Variants in TAFA2 observed in about 807,000 individuals in gnomAD.
The protein encoded by TAFA2 is chemokine-like protein TAFA-2.
Under a neutral mutation model 18.8 loss-of-function variants are expected in TAFA2, and 7 were observed. The observed-to-expected ratio is 0.37, with a 90% CI of 0.21 to 0.70. The LOEUF (loss-of-function observed/expected upper bound fraction) is 0.70, where lower values mean the gene tolerates loss of function less well. TAFA2 is among the 30% of genes least tolerant of loss of function. The probability of loss-of-function intolerance (pLI) is 0.53; values close to 1 mark genes in which losing one functional copy is unlikely to be tolerated. For missense variants in TAFA2, 122 were observed against 158.1 expected (o/e 0.77, Z 1.23); for synonymous variants, 60 against 54.2 (o/e 1.11, Z -0.47).
At chr12:62,144,090 G>T (rs1273584036) in intron 1 of TAFA2, among the ~76,000 whole-genome samples, 1 of 142,810 alleles carries the variant, frequency 7.0e-6, no homozygotes, top group Non-Finnish European at 1.5e-5. Flanking sequence ...ACTCTCATAC[G>T]ATGACCATAG....
At chr12:62,251,551 ACT>A (rs1285078561) in intron 1 of TAFA2, among the ~76,000 whole-genome samples, 1 of 152,200 alleles carries the variant, frequency 6.6e-6, no homozygotes, top group Non-Finnish European at 1.5e-5. Context: ...CTGAAAGCAG[ACT>A]CTGAGATGGA....
intron 1 of TAFA2, among the ~76,000 whole-genome samples, chr12:62,181,990 T>TCAC (rs745865760): frequency 7.2e-6 from 1 of 138,490 alleles, no homozygotes; most frequent in Non-Finnish European, 1.6e-5. Flanking sequence ...CTCAAGTCCA[T>TCAC]CCCCCCCCCG....
chr12:62,236,851 T>G (rs933563035), intron 1 of TAFA2, among the ~76,000 whole-genome samples: 6 of 152,226 alleles, frequency 3.9e-5, no homozygotes. Flanking sequence ...TGTTATTTGC[T>G]TCTTTTTTCT....
At chr12:61,713,668 T>C (rs570551686) in intron 4 of TAFA2, among the ~76,000 whole-genome samples, 276 of 152,250 alleles carry the variant, frequency 1.8e-3, no homozygotes, top group Non-Finnish European at 3.2e-3. Flanking sequence ...TTGAAAAAGT[T>C]TACTATGCAA....
intron 1 of TAFA2, among the ~76,000 whole-genome samples, chr12:61,933,742 G>A (rs1877657085): frequency 6.6e-6 from 1 of 152,114 alleles, no homozygotes; most frequent in Non-Finnish European, 1.5e-5. Context: ...CTAAGGAGCA[G>A]CTGTTGTAAT....
chr12:61,784,913 G>GT (rs1227624125), intron 2 of TAFA2, among the ~76,000 whole-genome samples: 2 of 151,496 alleles, frequency 1.3e-5, no homozygotes, highest in Non-Finnish European at 3.0e-5. Context: ...TCAGATCAGA[G>GT]TTATTAGTGT....
At chr12:61,986,409 C>T (rs1194437046) in intron 1 of TAFA2, among the ~76,000 whole-genome samples, 2 of 151,768 alleles carry the variant, frequency 1.3e-5, no homozygotes, top group African/African-American at 4.8e-5. Context: ...AGTGATCTGC[C>T]TGCCTCAGCC....
chr12:61,848,764 T>TA (rs1873513484), intron 2 of TAFA2, among the ~76,000 whole-genome samples: 1 of 150,638 alleles, frequency 6.6e-6, no homozygotes, highest in Non-Finnish European at 1.5e-5. Flanking sequence ...GTATTATCAG[T>TA]AAAATTAAAA....
At chr12:61,917,043 T>G (rs888701111) in intron 1 of TAFA2, among the ~76,000 whole-genome samples, 1 of 152,096 alleles carries the variant, frequency 6.6e-6, no homozygotes, top group Non-Finnish European at 1.5e-5. Context: ...GAGTGAGTCA[T>G]GTGAGATCTC....
intron 1 of TAFA2, among the ~76,000 whole-genome samples, chr12:61,975,065 T>A (rs1198079046): frequency 6.6e-6 from 1 of 151,726 alleles, no homozygotes; most frequent in African/African-American, 2.4e-5. Flanking sequence ...CACAAAGTGA[T>A]GTTTTCATAC....
chr12:61,762,843 T>TA (rs921528566), intron 2 of TAFA2, among the ~76,000 whole-genome samples: 63 of 152,032 alleles, frequency 4.1e-4, no homozygotes, highest in African/African-American at 1.5e-3. Context: ...TTTGTCTCTA[T>TA]ATACTCCTAT....
intron 1 of TAFA2, among the ~76,000 whole-genome samples, chr12:62,053,756 T>C (rs969292659): frequency 1.2e-4 from 18 of 152,316 alleles, no homozygotes; most frequent in African/African-American, 3.8e-4. Flanking sequence ...TTCTACTGCT[T>C]AGCAGCTGAA....
chr12:62,107,506 G>C (rs976607178), intron 1 of TAFA2, among the ~76,000 whole-genome samples: 2 of 152,008 alleles, frequency 1.3e-5, no homozygotes, highest in African/African-American at 2.4e-5. Context: ...TTTAGCCTAG[G>C]GACCTCAAAA....
chr12:61,865,454 A>G (rs1874314116), intron 2 of TAFA2, among the ~76,000 whole-genome samples: 1 of 152,204 alleles, frequency 6.6e-6, no homozygotes. Flanking sequence ...GGAGGGGAGA[A>G]AACTTTCATA....
rs763358789 is a variant in TAFA2 at position 62,135,165 on chromosome 12, CACAT to C, written c.-2+56090_-2+56093del. On this transcript the variant is annotated intron_variant, in intron 1 of 4. Coordinates refer to ENST00000416284, the MANE Select transcript of TAFA2 (RefSeq NM_178539.5). ...GACTGTGTCTTAGTCACAGCTGAAA[CACAT>C]AGTAGGTGCTCAATAAAACCTATTC... is the stretch of plus-strand genomic sequence containing the variant. Among the ~76,000 whole-genome samples the C allele has an allele frequency of 2.4e-4, 36 of 152,006 alleles. 1 individual carries two copies. Among genetic ancestry groups the C allele is most frequent in the Non-Finnish European group, 5.9e-5 (4 of 67,976 alleles).
intron 1 of TAFA2, among the ~76,000 whole-genome samples, chr12:62,237,590 T>C (rs1289189718): frequency 6.6e-6 from 1 of 152,206 alleles, no homozygotes; most frequent in African/African-American, 2.4e-5. Context: ...TTTGTTGTTG[T>C]TTCTTATAAA....
chr12:61,876,942 T>C (rs561786316), intron 1 of TAFA2, among the ~76,000 whole-genome samples: 57 of 152,294 alleles, frequency 3.7e-4, no homozygotes, highest in African/African-American at 1.3e-3. Context: ...CCCACACACT[T>C]TTATAACTAC....
At chr12:62,057,763 A>G (rs898294609) in intron 1 of TAFA2, among the ~76,000 whole-genome samples, 5 of 152,130 alleles carry the variant, frequency 3.3e-5, no homozygotes, top group African/African-American at 1.2e-4. Context: ...TTCACACTCA[A>G]TTATTTGCAA....
chr12:61,782,823 A>G (rs1160810456), intron 2 of TAFA2, among the ~76,000 whole-genome samples: 1 of 151,778 alleles, frequency 6.6e-6, no homozygotes, highest in Non-Finnish European at 1.5e-5. Flanking sequence ...CATTATAGGT[A>G]ATGCAGTATT....
Sources: gnomAD v4.1 joint callset for allele counts (sites outside exome capture counted in the v4.1 genomes callset) on GRCh38, gnomAD v4.1.1 for gene constraint, MANE v1.5 for transcripts, NCBI Gene and HGNC (gene_info 2026-07-23, HGNC 2026-07-21) for gene names.